PSMD14: variants seen among roughly 807,000 people sequenced by gnomAD.
PSMD14 encodes ubiquitin C-terminal hydrolase PSMD14.
A neutral mutation model predicts 41.2 loss-of-function variants in PSMD14; 7 were observed. The observed-to-expected ratio is 0.17, with a 90% CI of 0.10 to 0.32. PSMD14 has a LOEUF of 0.32. Among genes scored for constraint, PSMD14 ranks in the 10% least tolerant of loss-of-function variants. The pLI is 1.00. For missense variants in PSMD14, 139 were observed against 375.6 expected (o/e 0.37, Z 5.21); for synonymous variants, 114 against 122.3 (o/e 0.93, Z 0.45).
At chr2:161,330,113 T>C (rs1280855207) in intron 3 of PSMD14, among the ~76,000 whole-genome samples, 1 of 152,214 alleles carries the variant, frequency 6.6e-6, no homozygotes, top group East Asian at 1.9e-4. Flanking sequence ...TTTGTTCAAG[T>C]TCTTAGAATG....
intron 3 of PSMD14, among the ~76,000 whole-genome samples, chr2:161,363,998 T>G (rs1280309584): frequency 6.6e-6 from 1 of 152,222 alleles, no homozygotes; most frequent in Non-Finnish European, 1.5e-5. Flanking sequence ...GGTTCTTGCC[T>G]TGGTGTACTG....
intron 3 of PSMD14, among the ~76,000 whole-genome samples, chr2:161,357,759 A>G (rs115601991): frequency 5.7e-4 from 87 of 152,228 alleles, no homozygotes; most frequent in African/African-American, 2.1e-3. Context: ...TTATAGTGGC[A>G]TTGTATGAAA....
intron 3 of PSMD14, among the ~76,000 whole-genome samples, chr2:161,321,959 A>G (rs1424340635): frequency 6.6e-6 from 1 of 152,146 alleles, no homozygotes; most frequent in African/African-American, 2.4e-5. Flanking sequence ...TGATTAAATC[A>G]TTGGGTGATC....
Position 161,411,406 on chromosome 2 carries a change from C to T in PSMD14, c.*6C>T, listed in dbSNP as rs377532352. 7.4e-5 allele frequency: 116 copies of T among 1,574,520 alleles called. No homozygotes were observed. In the African/African-American group the frequency reaches 1.2e-3, roughly 16 times the overall value. Reference sequence around the variant, plus strand: ...ATACTGTCGTATTTAAATAAAGCAACGAAAAACGCTATTAATGATGCCTTC... The same window carrying T: ...ATACTGTCGTATTTAAATAAAGCAATGAAAAACGCTATTAATGATGCCTTC... On this transcript the variant is annotated 3_prime_UTR_variant, in exon 12 of 12. Transcript: ENST00000409682.
At chr2:161,347,005 C>T (rs143726025) in intron 3 of PSMD14, among the ~76,000 whole-genome samples, 13 of 152,170 alleles carry the variant, frequency 8.5e-5, no homozygotes, top group Admixed American at 2.0e-4. Flanking sequence ...GTCCAGATTA[C>T]GAGTTGTTTT....
rs1162637393 is a variant in PSMD14 at position 161,389,889 on chromosome 2, G to GTTTTTT, written c.571-1197_571-1192dup. 3.5e-4 allele frequency among the ~76,000 whole-genome samples: 7 copies of GTTTTTT among 20,050 alleles called. 1 individual carries two copies. Among genetic ancestry groups the GTTTTTT allele is most frequent in the African/African-American group, 6.1e-4 (4 of 6,558 alleles). The allele number at this position is 20,050 out of a possible 152,430, so 13.2% of individuals were successfully genotyped here. On this transcript the variant is annotated intron_variant, in intron 8 of 11. Transcript: ENST00000409682. ...TGTCTTATTTTCTTTCTTTTTTGTTGTTTTTTTTTTTTTTTTTTTTTTTAG... is the reference window on the plus strand; with the variant it reads ...TGTCTTATTTTCTTTCTTTTTTGTTGTTTTTTTTTTTTTTTTTTTTTTTTTTTTTAG...
At chr2:161,368,267 C>T (rs1683385734) in intron 5 of PSMD14, among the ~76,000 whole-genome samples, 1 of 152,060 alleles carries the variant, frequency 6.6e-6, no homozygotes, top group Non-Finnish European at 1.5e-5. Flanking sequence ...ATTTTCAACT[C>T]ACATATACTG....
chr2:161,385,417 T>C (rs1369353196), intron 7 of PSMD14, 47 bp from the exon 8 acceptor site: 3 of 1,124,598 alleles, frequency 2.7e-6, no homozygotes, highest in Non-Finnish European at 4.0e-6. Flanking sequence ...CTTGGCATTA[T>C]CACTTGCTTT....
At chr2:161,341,012 C>T (rs1682947557) in intron 3 of PSMD14, 1 of 1,610,968 alleles carries the variant, frequency 6.2e-7, no homozygotes, top group Non-Finnish European at 8.5e-7. Context: ...CCTGCTCCTC[C>T]GCCTCCGCTG....
intron 3 of PSMD14, among the ~76,000 whole-genome samples, chr2:161,343,883 G>A (rs1574123449): frequency 6.6e-6 from 1 of 152,046 alleles, no homozygotes; most frequent in Middle Eastern, 3.4e-3. Flanking sequence ...GGGTATATAG[G>A]TAGCCCTCCT....
intron 1 of PSMD14, among the ~76,000 whole-genome samples, chr2:161,309,209 T>G (rs573451293): frequency 6.6e-6 from 1 of 152,292 alleles, no homozygotes; most frequent in African/African-American, 2.4e-5. Context: ...CATTTCTCGT[T>G]TTAAGTAAAG....
rs151026070 is a variant in PSMD14 at position 161,342,332 on chromosome 2, A to G, written c.48+23459A>G. 1.1e-3 allele frequency among the ~76,000 whole-genome samples: 165 copies of G among 149,476 alleles called. 1 individual carries two copies. Among genetic ancestry groups the G allele is most frequent in the African/African-American group, 3.6e-3 (149 of 41,130 alleles). ...TCCCTGCTATTCCTACTTTGTTGAG[A>G]CTTTTTTTTTTTATCAGAAGTGGAT... is the stretch of plus-strand genomic sequence containing the variant. On this transcript the variant is annotated intron_variant, in intron 3 of 11. Coordinates refer to ENST00000409682, the MANE Select transcript of PSMD14 (RefSeq NM_005805.6).
intron 8 of PSMD14, among the ~76,000 whole-genome samples, chr2:161,389,886 G>GTTTTTTTTTTTTTTTTTTTTTTTT (rs1683685363): frequency 6.7e-5 from 1 of 14,938 alleles, no homozygotes; most frequent in Admixed American, 8.9e-4. Context: ...TTTCTTTTTT[G>GTTTTTTTTTTTTTTTTTTTTTTTT]TTGTTTTTTT....
chr2:161,383,307 T>C (rs1683592140), intron 7 of PSMD14: 1 of 152,184 alleles, frequency 6.6e-6, no homozygotes, highest in Admixed American at 6.6e-5. Context: ...ACAGTTGCTA[T>C]AGTGATGGCA....
chr2:161,338,311 C>T (rs928667420), intron 3 of PSMD14, among the ~76,000 whole-genome samples: 10 of 149,676 alleles, frequency 6.7e-5, no homozygotes, highest in Admixed American at 2.0e-4. Context: ...GGCCCTATAA[C>T]GCAGTTATAT....
intron 10 of PSMD14, among the ~76,000 whole-genome samples, chr2:161,396,924 T>C (rs62188133): frequency 0.066 from 9,988 of 152,104 alleles, 442 homozygotes; most frequent in East Asian, 0.15. Context: ...GTCTCCTGTG[T>C]TCAAGAGATT....
At chr2:161,360,784 C>T (rs1018101902) in intron 3 of PSMD14, among the ~76,000 whole-genome samples, 1 of 152,116 alleles carries the variant, frequency 6.6e-6, no homozygotes, top group Admixed American at 6.6e-5. Context: ...GATCCGCCTG[C>T]CTTGGCCTCC....
At chr2:161,410,064 A>G (rs962394404) in intron 11 of PSMD14, among the ~76,000 whole-genome samples, 4 of 152,162 alleles carry the variant, frequency 2.6e-5, no homozygotes, top group Non-Finnish European at 5.9e-5. Context: ...ACTGAAAAAT[A>G]TGTAATTGGC....
intron 3 of PSMD14, among the ~76,000 whole-genome samples, chr2:161,329,729 G>T (rs1682757617): frequency 6.6e-6 from 1 of 152,102 alleles, no homozygotes; most frequent in Admixed American, 6.6e-5. Flanking sequence ...CTCTTGTGAG[G>T]TTATAATTTT....
Sources: allele counts gnomAD v4.1 joint callset (sites outside exome capture counted in the v4.1 genomes callset), GRCh38; gene constraint gnomAD v4.1.1; transcripts MANE v1.5; gene names NCBI Gene and HGNC (gene_info 2026-07-23, HGNC 2026-07-21).